The following VPS13B variants were observed in gnomAD, a reference collection of about 807,000 sequenced individuals.
VPS13B encodes the protein vacuolar protein sorting 13 homolog B.
VPS13B carries 285 observed loss-of-function variants against 426.4 expected under a neutral mutation model. That is an observed-to-expected ratio of 0.67 (90% CI 0.61 to 0.74). The LOEUF is 0.74. Ranked by LOEUF, VPS13B falls within the 30% of genes least tolerant of loss-of-function variation. VPS13B has a pLI of 0.00. For missense variants in VPS13B, 4,537 were observed against 4,782.6 expected (o/e 0.95, Z 1.51); for synonymous variants, 1,676 against 1,676.4 (o/e 1.00, Z 0.01).
At chr8:99,399,730 C>T (rs1814931887) in intron 21 of VPS13B, among the ~76,000 whole-genome samples, 1 of 152,154 alleles carries the variant, frequency 6.6e-6, no homozygotes, top group South Asian at 2.1e-4. Flanking sequence ...GAATCATTAG[C>T]TCATAAAGAG....
chr8:99,079,795 T>G (rs1845344975), intron 3 of VPS13B, among the ~76,000 whole-genome samples: 1 of 152,008 alleles, frequency 6.6e-6, no homozygotes, highest in African/African-American at 2.4e-5. Context: ...TACTTACATT[T>G]TTATCATAAA....
At chr8:99,300,206 T>A (rs1278546359) in intron 19 of VPS13B, among the ~76,000 whole-genome samples, 1 of 152,192 alleles carries the variant, frequency 6.6e-6, no homozygotes, top group African/African-American at 2.4e-5. Flanking sequence ...GGTTTTCATA[T>A]GTCCTCATTT....
Position 99,854,069 on chromosome 8 carries a change from A to G in VPS13B, c.10680A>G (p.Leu3560=), listed in dbSNP as rs779816885. 5 of 1,613,494 alleles carry G rather than the reference A, an allele frequency of 3.1e-6. No homozygotes were observed. Among genetic ancestry groups the G allele is most frequent in the Non-Finnish European group, 4.2e-6 (5 of 1,179,568 alleles). ...GGGCCTTGGTGAATCCTGTGAAGTT[A>G]CGGAAACTGGTGATCCAGCCAGTAA... ...HARALVNPVK[L]RKLVIQPVNL... Residue 3560 remains leucine (L), a synonymous_variant, in exon 56 of 62, where the codon TTA becomes TTG. Transcript: ENST00000357162.
chr8:99,621,887 G>A (rs1296715161), intron 33 of VPS13B, among the ~76,000 whole-genome samples: 6 of 133,426 alleles, frequency 4.5e-5, no homozygotes, highest in African/African-American at 1.7e-4. Context: ...AGGCTGCAGT[G>A]CAGTAGCACA....
intron 23 of VPS13B, among the ~76,000 whole-genome samples, chr8:99,456,135 A>G (rs1818444178): frequency 6.6e-6 from 1 of 152,082 alleles, no homozygotes; most frequent in Non-Finnish European, 1.5e-5. Flanking sequence ...CATTTTGAGA[A>G]TGATCCATTT....
intron 16 of VPS13B, among the ~76,000 whole-genome samples, chr8:99,186,421 T>G (rs528993444): frequency 6.6e-6 from 1 of 152,098 alleles, no homozygotes. Flanking sequence ...CTTTAAAAAA[T>G]TTTTTGAGGT....
intron 2 of VPS13B, among the ~76,000 whole-genome samples, chr8:99,030,367 G>T (rs1842454450): frequency 6.6e-6 from 1 of 150,954 alleles, no homozygotes; most frequent in African/African-American, 2.4e-5. Flanking sequence ...TGTCTGCATG[G>T]GTTTTCTCCG....
chr8:99,136,519 A>T, intron 11 of VPS13B, 146 bp from the exon 12 acceptor site: 1 of 772,378 alleles, frequency 1.3e-6, no homozygotes, highest in Non-Finnish European at 2.2e-6. Flanking sequence ...TCTTAGAAGT[A>T]AATTCTTGGA....
At chr8:99,619,099 A>G (rs1588556474) in intron 33 of VPS13B, among the ~76,000 whole-genome samples, 1 of 152,274 alleles carries the variant, frequency 6.6e-6, no homozygotes, top group East Asian at 1.9e-4. Flanking sequence ...AAGCATGAGG[A>G]AGCTTCCTTC....
At chr8:99,317,242 T>C (rs1588243914) in intron 19 of VPS13B, among the ~76,000 whole-genome samples, 1 of 151,756 alleles carries the variant, frequency 6.6e-6, no homozygotes, top group Non-Finnish European at 1.5e-5. Context: ...TTAGATAAAG[T>C]TTTTTTTTAA....
At chr8:99,775,689 G>A (rs535822442) in intron 40 of VPS13B, among the ~76,000 whole-genome samples, 1 of 152,294 alleles carries the variant, frequency 6.6e-6, no homozygotes, top group East Asian at 1.9e-4. Context: ...CTTGGGGTCA[G>A]GAGTTCAAGA....
At chr8:99,213,524 C>G (rs778050981) in intron 17 of VPS13B, among the ~76,000 whole-genome samples, 14 of 152,172 alleles carry the variant, frequency 9.2e-5, no homozygotes, top group Non-Finnish European at 1.8e-4. Flanking sequence ...AGTAGTAATT[C>G]TTTTAAAGTA....
chr8:99,644,538 A>T (rs1829501664), intron 34 of VPS13B, among the ~76,000 whole-genome samples: 1 of 152,052 alleles, frequency 6.6e-6, no homozygotes, highest in Non-Finnish European at 1.5e-5. Flanking sequence ...ATGAAGCTAG[A>T]GTGGTGGTCA....
intron 17 of VPS13B, among the ~76,000 whole-genome samples, chr8:99,224,921 C>A (rs990551349): frequency 1.3e-5 from 2 of 152,152 alleles, no homozygotes; most frequent in Non-Finnish European, 2.9e-5. Flanking sequence ...TTATCTTCCT[C>A]TTTTCTGTCA....
intron 19 of VPS13B, among the ~76,000 whole-genome samples, chr8:99,371,821 A>G (rs1304673437): frequency 6.6e-6 from 1 of 152,204 alleles, no homozygotes; most frequent in African/African-American, 2.4e-5. Flanking sequence ...CCATATGCAG[A>G]AAACAGAAAC....
intron 21 of VPS13B, among the ~76,000 whole-genome samples, chr8:99,429,284 CAAA>C (rs200181502): frequency 9.1e-6 from 1 of 109,350 alleles, no homozygotes; most frequent in Non-Finnish European, 2.0e-5. Context: ...GTATAATAAC[CAAA>C]AAAAAAAAAA....
chr8:99,766,463 T>C, intron 39 of VPS13B, among the ~76,000 whole-genome samples: 1 of 152,228 alleles, frequency 6.6e-6, no homozygotes, highest in East Asian at 1.9e-4. Context: ...TATTTGTATG[T>C]TACTACACTA....
At chr8:99,567,459 G>A (rs912322565) in intron 31 of VPS13B, among the ~76,000 whole-genome samples, 1 of 147,024 alleles carries the variant, frequency 6.8e-6, no homozygotes, top group Non-Finnish European at 1.5e-5. Context: ...TTTTGTTTTG[G>A]CAGGAAAGTT....
At chr8:99,868,740 G>A (rs1438603893) in intron 59 of VPS13B, among the ~76,000 whole-genome samples, 2 of 152,206 alleles carry the variant, frequency 1.3e-5, no homozygotes, top group Non-Finnish European at 2.9e-5. Flanking sequence ...GAGGTTGAGG[G>A]CAGAATGGAG....
Sources: gnomAD v4.1 joint callset for allele counts (sites outside exome capture counted in the v4.1 genomes callset) on GRCh38, gnomAD v4.1.1 for gene constraint, MANE v1.5 for transcripts, NCBI Gene and HGNC (gene_info 2026-07-23, HGNC 2026-07-21) for gene names.